The following CSMD1 variants were observed in gnomAD, a reference collection of about 807,000 sequenced individuals.
CSMD1 encodes the protein CUB and Sushi multiple domains 1, also known as CUB and sushi domain-containing protein 1.
CSMD1 carries 213 observed loss-of-function variants against 417.5 expected under a neutral mutation model. That is an observed-to-expected ratio of 0.51 (90% CI 0.46 to 0.57). The LOEUF (loss-of-function observed/expected upper bound fraction) is 0.57, where lower values mean the gene tolerates loss of function less well. Among genes scored for constraint, CSMD1 ranks in the 20% least tolerant of loss-of-function variants. The pLI, the probability that CSMD1 is intolerant of heterozygous loss-of-function variation, is 0.00. For missense variants in CSMD1, 6,923 were observed against 4,529.7 expected, an observed-to-expected ratio of 1.53 and a Z score of -15.17; for synonymous variants, 2,862 against 1,736.8, an observed-to-expected ratio of 1.65 and a Z score of -16.11.
chr8:4,349,263 G>T (rs1055994030), intron 3 of CSMD1, among the ~76,000 whole-genome samples: 1 of 152,106 alleles, frequency 6.6e-6, no homozygotes, highest in Admixed American at 6.6e-5. Flanking sequence ...ACAGACCAGT[G>T]GTTTTCAAAA....
chr8:4,344,218 C>A (rs1014508818), intron 3 of CSMD1, among the ~76,000 whole-genome samples: 1 of 152,112 alleles, frequency 6.6e-6, no homozygotes, highest in Non-Finnish European at 1.5e-5. Flanking sequence ...AGACTTTCCT[C>A]TGTTTTCCCA....
chr8:4,092,527 T>A (rs542701240), intron 3 of CSMD1, among the ~76,000 whole-genome samples: 2 of 152,190 alleles, frequency 1.3e-5, no homozygotes, highest in Non-Finnish European at 2.9e-5. Flanking sequence ...AAAAAAAGAA[T>A]AGAAGTATTT....
chr8:3,504,877 G>A (rs578039001), intron 10 of CSMD1, among the ~76,000 whole-genome samples: 9 of 152,126 alleles, frequency 5.9e-5, no homozygotes, highest in Non-Finnish European at 1.3e-4. Context: ...TGGCAAATGT[G>A]GCAAGGAAAA....
At chr8:3,998,899 G>T (rs1362125451) in intron 4 of CSMD1, among the ~76,000 whole-genome samples, 1 of 148,350 alleles carries the variant, frequency 6.7e-6, no homozygotes, top group African/African-American at 2.5e-5. Context: ...AATCTATATG[G>T]TAGTTTATAT....
chr8:4,910,549 T>C (rs1462552645), intron 1 of CSMD1, among the ~76,000 whole-genome samples: 2 of 152,110 alleles, frequency 1.3e-5, no homozygotes, highest in Non-Finnish European at 2.9e-5. Context: ...CTCTGAAGCT[T>C]TTTTATAGAC....
At chr8:4,742,536 T>A (rs1184477625) in intron 1 of CSMD1, among the ~76,000 whole-genome samples, 1 of 152,036 alleles carries the variant, frequency 6.6e-6, no homozygotes, top group East Asian at 1.9e-4. Context: ...AAATATATTA[T>A]TTAAATTAAA....
At chr8:4,609,721 G>A (rs976173326) in intron 2 of CSMD1, among the ~76,000 whole-genome samples, 2 of 152,006 alleles carry the variant, frequency 1.3e-5, no homozygotes, top group South Asian at 2.1e-4. Context: ...ATTTAAACAA[G>A]AAAACAGAAA....
chr8:3,007,810 T>G (rs1306681366), intron 52 of CSMD1, among the ~76,000 whole-genome samples: 3 of 148,406 alleles, frequency 2.0e-5, no homozygotes, highest in Non-Finnish European at 3.0e-5. Flanking sequence ...TCGGGAGATA[T>G]ACCTAATGCT....
At chr8:4,870,525 A>G (rs1258218456) in intron 1 of CSMD1, among the ~76,000 whole-genome samples, 2 of 152,096 alleles carry the variant, frequency 1.3e-5, no homozygotes, top group African/African-American at 2.4e-5. Context: ...TTGGCCAAGG[A>G]GTCTGCATAC....
intron 10 of CSMD1, among the ~76,000 whole-genome samples, chr8:3,569,579 C>T (rs1799861581): frequency 6.6e-6 from 1 of 152,182 alleles, no homozygotes; most frequent in South Asian, 2.1e-4. Context: ...TTCTTCACAT[C>T]CAAAATGCTT....
At chr8:3,959,999 G>A (rs144414030) in intron 5 of CSMD1, among the ~76,000 whole-genome samples, 1 of 152,180 alleles carries the variant, frequency 6.6e-6, no homozygotes, top group South Asian at 2.1e-4. Context: ...ATCACAGTAT[G>A]TGCGTGAAGC....
chr8:4,178,335 G>C (rs896531465), intron 3 of CSMD1, among the ~76,000 whole-genome samples: 1 of 151,062 alleles, frequency 6.6e-6, no homozygotes, highest in African/African-American at 2.4e-5. Context: ...AAAACCACAT[G>C]ATTATCTCAA....
intron 5 of CSMD1, among the ~76,000 whole-genome samples, chr8:3,965,181 C>G (rs1426131841): frequency 3.9e-5 from 6 of 152,074 alleles, no homozygotes; most frequent in Admixed American, 3.9e-4. Context: ...GAGTTCATAA[C>G]AAAAGACCAG....
chr8:3,677,648 C>T (rs1216509185), intron 7 of CSMD1, among the ~76,000 whole-genome samples: 1 of 152,148 alleles, frequency 6.6e-6, no homozygotes, highest in Non-Finnish European at 1.5e-5. Flanking sequence ...CAGCTATTGA[C>T]ATGAAAAGAT....
At chr8:3,901,565 G>C (rs1807754529) in intron 5 of CSMD1, among the ~76,000 whole-genome samples, 5 of 152,206 alleles carry the variant, frequency 3.3e-5, no homozygotes, top group Admixed American at 1.3e-4. Context: ...TCATAAAGTA[G>C]AGTCCTCATT....
intron 5 of CSMD1, among the ~76,000 whole-genome samples, chr8:3,983,316 G>C (rs1814043436): frequency 6.6e-6 from 1 of 151,952 alleles, no homozygotes; most frequent in Non-Finnish European, 1.5e-5. Context: ...ATTTTTAGTA[G>C]AGATGGGGTT....
intron 30 of CSMD1, 53 bp downstream of exon 30, chr8:3,214,444 C>G: frequency 7.2e-7 from 1 of 1,395,530 alleles, no homozygotes; most frequent in Non-Finnish European, 9.6e-7. Flanking sequence ...CAATGAGATG[C>G]TGCATTTTAA....
chr8:4,502,196 C>T (rs1411130099), intron 2 of CSMD1, among the ~76,000 whole-genome samples: 1 of 151,904 alleles, frequency 6.6e-6, no homozygotes, highest in Non-Finnish European at 1.5e-5. Context: ...TGAACAGAAA[C>T]ATTTTTTTTT....
At chr8:4,344,514 A>G (rs972487594) in intron 3 of CSMD1, among the ~76,000 whole-genome samples, 3 of 151,376 alleles carry the variant, frequency 2.0e-5, no homozygotes, top group African/African-American at 7.3e-5. Context: ...CATAAAAATG[A>G]TTGTCAGAAA....
Sources: gnomAD v4.1 joint callset for allele counts (sites outside exome capture counted in the v4.1 genomes callset) on GRCh38, gnomAD v4.1.1 for gene constraint, MANE v1.5 for transcripts, NCBI Gene and HGNC (gene_info 2026-07-23, HGNC 2026-07-21) for gene names.